Variants in VPS13B observed in about 807,000 individuals in gnomAD.
VPS13B encodes the protein intermembrane lipid transfer protein VPS13B.
A neutral mutation model predicts 426.4 loss-of-function variants in VPS13B; 285 were observed. That is an observed-to-expected ratio of 0.67 (90% CI 0.61 to 0.74). VPS13B has a LOEUF of 0.74. Ranked by LOEUF, VPS13B falls within the 30% of genes least tolerant of loss-of-function variation. The pLI is 0.00. For missense variants in VPS13B, 4,537 were observed against 4,782.6 expected (o/e 0.95, Z 1.51); for synonymous variants, 1,676 against 1,676.4 (o/e 1.00, Z 0.01).
intron 17 of VPS13B, among the ~76,000 whole-genome samples, chr8:99,267,125 T>C (rs182273336): frequency 7.9e-5 from 12 of 152,306 alleles, no homozygotes; most frequent in African/African-American, 2.4e-4. Flanking sequence ...CTGGGAAAGT[T>C]TGGAACTTCC....
intron 19 of VPS13B, among the ~76,000 whole-genome samples, chr8:99,365,984 A>G (rs1294945293): frequency 1.3e-5 from 2 of 148,526 alleles, no homozygotes; most frequent in East Asian, 2.0e-4. Flanking sequence ...TTTTTTTTTT[A>G]ATGTTTTAAG....
chr8:99,171,263 A>G (rs1409260048), intron 16 of VPS13B, among the ~76,000 whole-genome samples: 1 of 151,944 alleles, frequency 6.6e-6, no homozygotes, highest in Non-Finnish European at 1.5e-5. Flanking sequence ...TTATTAGCAT[A>G]CATGGTATGT....
chr8:99,044,777 A>G (rs1248440816), intron 3 of VPS13B, among the ~76,000 whole-genome samples: 1 of 151,908 alleles, frequency 6.6e-6, no homozygotes, highest in African/African-American at 2.4e-5. Flanking sequence ...TTAGAATGAT[A>G]GTCTCCAATC....
At chr8:99,528,789 T>C (rs1427903367) in intron 30 of VPS13B, among the ~76,000 whole-genome samples, 3 of 152,186 alleles carry the variant, frequency 2.0e-5, no homozygotes, top group African/African-American at 4.8e-5. Context: ...ATAAATTTCA[T>C]TCAAGTTTTT....
intron 36 of VPS13B, among the ~76,000 whole-genome samples, chr8:99,714,243 T>A (rs1174317511): frequency 6.6e-6 from 1 of 151,028 alleles, no homozygotes; most frequent in Non-Finnish European, 1.5e-5. Context: ...ACAATGTAAA[T>A]AATGATAGTA....
chr8:99,198,661 A>G (rs1411691301), intron 17 of VPS13B, among the ~76,000 whole-genome samples: 3 of 152,094 alleles, frequency 2.0e-5, no homozygotes, highest in African/African-American at 4.8e-5. Context: ...AAATTAGTGG[A>G]ACTAATTTTT....
chr8:99,170,226 C>T (rs1812248200), intron 16 of VPS13B, 63 bp downstream of exon 16: 4 of 1,573,858 alleles, frequency 2.5e-6, no homozygotes, highest in Middle Eastern at 1.8e-4. Context: ...GGAAAAAACC[C>T]CCAAATGTAT....
At chr8:99,798,573 A>C (rs1337008339) in intron 43 of VPS13B, among the ~76,000 whole-genome samples, 1 of 152,180 alleles carries the variant, frequency 6.6e-6, no homozygotes, top group Non-Finnish European at 1.5e-5. Flanking sequence ...ATCCAGTCCC[A>C]GGGCTGATTT....
chr8:99,129,031 T>C (rs1224873003), intron 8 of VPS13B, among the ~76,000 whole-genome samples: 1 of 152,104 alleles, frequency 6.6e-6, no homozygotes, highest in East Asian at 1.9e-4. Context: ...GATAATTCAA[T>C]GTTTTCTAAT....
chr8:99,491,871 G>A (rs914129996), intron 25 of VPS13B, among the ~76,000 whole-genome samples: 2 of 152,156 alleles, frequency 1.3e-5, no homozygotes, highest in Non-Finnish European at 2.9e-5. Context: ...CTGTCAATTC[G>A]TCAAAGTCAT....
chr8:99,387,061 T>G (rs2133301631), intron 20 of VPS13B, among the ~76,000 whole-genome samples: 1 of 152,368 alleles, frequency 6.6e-6, no homozygotes, highest in South Asian at 2.1e-4. Context: ...TCTCCATACC[T>G]AAATCTTTGC....
At chr8:99,079,286 A>T (rs1254432270) in intron 3 of VPS13B, among the ~76,000 whole-genome samples, 1 of 152,010 alleles carries the variant, frequency 6.6e-6, no homozygotes, top group Non-Finnish European at 1.5e-5. Context: ...TCAGGCCCCC[A>T]TCATGGTGTG....
intron 3 of VPS13B, among the ~76,000 whole-genome samples, chr8:99,069,429 C>T (rs73281615): frequency 5.6e-4 from 85 of 152,026 alleles, no homozygotes; most frequent in African/African-American, 2.0e-3. Context: ...GAGCATGTCT[C>T]AAAAGAAAAG....
intron 3 of VPS13B, among the ~76,000 whole-genome samples, chr8:99,043,883 G>A (rs1231760614): frequency 1.3e-5 from 2 of 151,950 alleles, no homozygotes; most frequent in Admixed American, 1.3e-4. Context: ...TGTGGATCCT[G>A]TCTCTGTATC....
At chr8:99,818,136 A>G (rs1260865194) in intron 45 of VPS13B, among the ~76,000 whole-genome samples, 1 of 152,150 alleles carries the variant, frequency 6.6e-6, no homozygotes, top group African/African-American at 2.4e-5. Flanking sequence ...CTGTTACTTT[A>G]TCTCTTCCTC....
intron 19 of VPS13B, among the ~76,000 whole-genome samples, chr8:99,308,913 G>T (rs1820795603): frequency 6.6e-6 from 1 of 152,088 alleles, no homozygotes; most frequent in Non-Finnish European, 1.5e-5. Context: ...GTTTTGATTT[G>T]CATTTCTCTG....
At chr8:99,193,528 T>G (rs1488989653) in intron 17 of VPS13B, among the ~76,000 whole-genome samples, 1 of 152,118 alleles carries the variant, frequency 6.6e-6, no homozygotes, top group East Asian at 1.9e-4. Flanking sequence ...AATTTCTGCT[T>G]TCATATCACT....
intron 33 of VPS13B, among the ~76,000 whole-genome samples, chr8:99,592,631 G>C (rs1279891483): frequency 1.3e-5 from 2 of 152,126 alleles, no homozygotes; most frequent in Non-Finnish European, 2.9e-5. Flanking sequence ...AAAGAGCAAA[G>C]CTGGAGGCAT....
At chr8:99,803,957 A>G (rs1563924098) in intron 43 of VPS13B, among the ~76,000 whole-genome samples, 1 of 152,200 alleles carries the variant, frequency 6.6e-6, no homozygotes, top group African/African-American at 2.4e-5. Context: ...GTACTGCAGT[A>G]TCTGAATTAT....
Sources: gnomAD v4.1 joint callset for allele counts (sites outside exome capture counted in the v4.1 genomes callset) on GRCh38, gnomAD v4.1.1 for gene constraint, MANE v1.5 for transcripts, NCBI Gene and HGNC (gene_info 2026-07-23, HGNC 2026-07-21) for gene names.